The following IGFBP7 variants were observed in gnomAD, a reference collection of about 807,000 sequenced individuals.
IGFBP7 encodes the protein insulin-like growth factor-binding protein 7.
A neutral mutation model predicts 29.4 loss-of-function variants in IGFBP7; 31 were observed. The observed-to-expected ratio is 1.05, with a 90% confidence interval of 0.79 to 1.42. IGFBP7 has a LOEUF of 1.42. IGFBP7 is among the 40% of genes most tolerant of loss of function. The pLI, the probability that IGFBP7 is intolerant of heterozygous loss-of-function variation, is 0.00. For synonymous variants in IGFBP7, 172 were observed against 174.9 expected, an observed-to-expected ratio of 0.98 and a Z score of 0.13; for missense variants, 393 against 395.5, an observed-to-expected ratio of 0.99 and a Z score of 0.05.
At chr4:57,091,804 T>C (rs1435267767) in intron 1 of IGFBP7, among the ~76,000 whole-genome samples, 1 of 152,140 alleles carries the variant, frequency 6.6e-6, no homozygotes, top group African/African-American at 2.4e-5. Context: ...AAACAAGGCT[T>C]TGCCAGCCCT....
chr4:57,085,856 GGTTT>G (rs1725486017), intron 1 of IGFBP7, among the ~76,000 whole-genome samples: 1 of 152,044 alleles, frequency 6.6e-6, no homozygotes, highest in African/African-American at 2.4e-5. Context: ...TGATTTTCTG[GGTTT>G]GTTTCCCTCC....
At chr4:57,045,097 G>A (rs1724327304) in intron 1 of IGFBP7, among the ~76,000 whole-genome samples, 1 of 152,184 alleles carries the variant, frequency 6.6e-6, no homozygotes, top group Non-Finnish European at 1.5e-5. Context: ...ATCATATCAT[G>A]GGTTCCTATT....
chr4:57,080,365 C>T (rs959456994), intron 1 of IGFBP7, among the ~76,000 whole-genome samples: 5 of 152,150 alleles, frequency 3.3e-5, no homozygotes, highest in Non-Finnish European at 7.3e-5. Flanking sequence ...ACTCACATTG[C>T]CCGAGTGCTC....
intron 1 of IGFBP7, among the ~76,000 whole-genome samples, chr4:57,107,598 C>T (rs1407374541): frequency 6.6e-6 from 1 of 152,234 alleles, no homozygotes; most frequent in East Asian, 1.9e-4. Flanking sequence ...TTCCCATTCT[C>T]TTCTGCTCTC....
intron 1 of IGFBP7, among the ~76,000 whole-genome samples, chr4:57,084,522 C>T (rs1725448255): frequency 6.6e-6 from 1 of 152,156 alleles, no homozygotes; most frequent in Admixed American, 6.5e-5. Flanking sequence ...TCCAAGATTT[C>T]TTTAAGATGC....
intron 4 of IGFBP7, among the ~76,000 whole-genome samples, chr4:57,031,876 G>A (rs752967358): frequency 1.7e-4 from 26 of 152,272 alleles, no homozygotes; most frequent in Non-Finnish European, 2.1e-4. Context: ...TTTTGTCTAA[G>A]GGAAAGCCAA....
rs556248048 is a variant in IGFBP7 at position 57,103,424 on chromosome 4, G to A, written c.475+6453C>T. 3.9e-5 allele frequency among the ~76,000 whole-genome samples: 6 copies of A among 152,154 alleles called. No homozygotes were observed. The East Asian group carries it at 9.7e-4, about 25-fold the overall frequency. ...TAGGCAGTCCCACCAAACCTCATGCGAGTCCTTCTGCTGGCTATGCTCTGG... is the reference window on the plus strand; with the variant it reads ...TAGGCAGTCCCACCAAACCTCATGCAAGTCCTTCTGCTGGCTATGCTCTGG... On this transcript the variant is annotated intron_variant, in intron 1 of 4. Transcript: ENST00000295666.
At chr4:57,062,407 C>T (rs1724820687) in intron 1 of IGFBP7, among the ~76,000 whole-genome samples, 1 of 152,200 alleles carries the variant, frequency 6.6e-6, no homozygotes, top group Non-Finnish European at 1.5e-5. Context: ...TTGCTGGAAT[C>T]ATAAACCGGT....
intron 1 of IGFBP7, among the ~76,000 whole-genome samples, chr4:57,068,024 G>T (rs1578629514): frequency 6.6e-6 from 1 of 152,162 alleles, no homozygotes; most frequent in South Asian, 2.1e-4. Context: ...ATAGGTTGAG[G>T]TTTCAAAAGA....
At chr4:57,077,898 G>T (rs1341122254) in intron 1 of IGFBP7, among the ~76,000 whole-genome samples, 1 of 152,142 alleles carries the variant, frequency 6.6e-6, no homozygotes, top group Admixed American at 6.5e-5. Flanking sequence ...TGATGCAGGC[G>T]CAGGGCTTCC....
chr4:57,098,382 G>A (rs551820564), intron 1 of IGFBP7, among the ~76,000 whole-genome samples: 4 of 152,322 alleles, frequency 2.6e-5, no homozygotes, highest in African/African-American at 9.6e-5. Context: ...GAAGAAAGAG[G>A]CCTCAGATGA....
chr4:57,061,168 G>T (rs79075969), intron 1 of IGFBP7, among the ~76,000 whole-genome samples: 2 of 152,052 alleles, frequency 1.3e-5, no homozygotes, highest in African/African-American at 4.8e-5. Context: ...ACTGTGTGTC[G>T]TTTGCAGGAA....
chr4:57,087,412 C>T lies in IGFBP7; in HGVS notation c.475+22465G>A, dbSNP rs138477850. ...AGGGCAGGAGAGGAACAGACTATCTCAAAAGGATGCCAATTTTAAAATACT... is the reference window on the plus strand; with the variant it reads ...AGGGCAGGAGAGGAACAGACTATCTTAAAAGGATGCCAATTTTAAAATACT... On this transcript the variant is annotated intron_variant, in intron 1 of 4. Coordinates refer to ENST00000295666, the MANE Select transcript of IGFBP7 (RefSeq NM_001553.3). Among the ~76,000 whole-genome samples, 131 of 152,302 alleles carry T rather than the reference C, an allele frequency of 8.6e-4. 1 individual carries two copies. The highest frequency in any genetic ancestry group is 3.4e-3 in the Middle Eastern group (1 of 294).
At chr4:57,086,131 C>G (rs530436538) in intron 1 of IGFBP7, among the ~76,000 whole-genome samples, 1 of 152,202 alleles carries the variant, frequency 6.6e-6, no homozygotes, top group Non-Finnish European at 1.5e-5. Flanking sequence ...AAAGGTACAT[C>G]TTACATGGTG....
intron 1 of IGFBP7, among the ~76,000 whole-genome samples, chr4:57,099,082 A>G (rs1578651627): frequency 6.6e-6 from 1 of 152,166 alleles, no homozygotes; most frequent in Non-Finnish European, 1.5e-5. Flanking sequence ...AGCTTTCCCA[A>G]TTCAACCACT....
chr4:57,046,189 C>A (rs1018489045), intron 1 of IGFBP7, among the ~76,000 whole-genome samples: 1 of 152,092 alleles, frequency 6.6e-6, no homozygotes, highest in Non-Finnish European at 1.5e-5. Context: ...TCGGTGGATA[C>A]AATGCCAGCC....
intron 1 of IGFBP7, among the ~76,000 whole-genome samples, chr4:57,104,342 T>A (rs1725970183): frequency 6.6e-6 from 1 of 152,052 alleles, no homozygotes; most frequent in Non-Finnish European, 1.5e-5. Flanking sequence ...ACTAAGTGAT[T>A]CTTGGCTTTT....
At chr4:57,071,868 G>T (rs1725059796) in intron 1 of IGFBP7, among the ~76,000 whole-genome samples, 1 of 152,162 alleles carries the variant, frequency 6.6e-6, no homozygotes, top group African/African-American at 2.4e-5. Context: ...TGGTGCAGTG[G>T]CTCATGCCTG....
At position 57,109,936 on chromosome 4, in the gene IGFBP7, C is replaced by T. The variant is rs746831908; in HGVS notation, c.416G>A (p.Arg139Lys). ...SGCQLRAASQ[R>K]AESRGEKAIT... is the part of the protein sequence containing the mutation. ...GGCCTTCTCCCCGCGGCTCTCGGCC[C>T]TCTGGCTGGCGGCGCGCAGCTGGCA... Residue 139 changes from arginine to lysine, a missense_variant, in exon 1 of 5, where the codon AGG becomes AAG. Arg to Lys is a conservative substitution (Grantham distance 26). Coordinates refer to ENST00000295666, the MANE Select transcript of IGFBP7 (RefSeq NM_001553.3). The T allele has an allele frequency of 1.9e-6, 3 of 1,557,320 alleles. No individual in the cohort carries two copies. The highest frequency in any genetic ancestry group is 2.6e-6 in the Non-Finnish European group (3 of 1,158,052).
Sources: gnomAD v4.1 joint callset for allele counts (sites outside exome capture counted in the v4.1 genomes callset) on GRCh38, gnomAD v4.1.1 for gene constraint, MANE v1.5 for transcripts, NCBI Gene and HGNC (gene_info 2026-07-23, HGNC 2026-07-21) for gene names.